Variants in CSMD1 observed in about 807,000 individuals in gnomAD.
CSMD1 encodes the protein CUB and Sushi multiple domains 1.
In CSMD1, 213 loss-of-function variants were observed where a neutral mutation model predicts 417.5. The observed-to-expected ratio is 0.51, with a 90% CI of 0.46 to 0.57. The LOEUF is 0.57. Among genes scored for constraint, CSMD1 ranks in the 20% least tolerant of loss-of-function variants. The pLI, the probability that CSMD1 is intolerant of heterozygous loss-of-function variation, is 0.00. For missense variants in CSMD1, 6,923 were observed against 4,529.7 expected (o/e 1.53, Z -15.17); for synonymous variants, 2,862 against 1,736.8 (o/e 1.65, Z -16.11).
At chr8:3,712,707 T>A (rs540110827) in intron 6 of CSMD1, among the ~76,000 whole-genome samples, 1 of 152,334 alleles carries the variant, frequency 6.6e-6, no homozygotes, top group African/African-American at 2.4e-5. Flanking sequence ...TATGAGTTTC[T>A]GTTTTGTTTT....
At chr8:4,589,926 C>G (rs1321383486) in intron 2 of CSMD1, among the ~76,000 whole-genome samples, 1 of 152,150 alleles carries the variant, frequency 6.6e-6, no homozygotes, top group African/African-American at 2.4e-5. Flanking sequence ...TGGCTTTTGT[C>G]TAACCCACAC....
chr8:4,441,287 G>GGGC (rs1798465716), intron 2 of CSMD1, among the ~76,000 whole-genome samples: 1 of 136,226 alleles, frequency 7.3e-6, no homozygotes, highest in Non-Finnish European at 1.6e-5. Context: ...TTTTTTGGTG[G>GGGC]GGGGAGTAGA....
Position 4,626,516 on chromosome 8 carries a change from G to A in CSMD1, c.302+10826C>T, listed in dbSNP as rs150060291. On this transcript the variant is annotated intron_variant, in intron 2 of 69. Coordinates refer to ENST00000635120, the MANE Select transcript of CSMD1 (RefSeq NM_033225.6). ...AGTTGTGCTGAAAATCACGTTGAGA[G>A]AAAGTTATCTGATCTTAAAGCGGTT... Among the ~76,000 whole-genome samples the A allele has an allele frequency of 6.9e-4, 105 of 152,208 alleles. 1 individual carries two copies. Among genetic ancestry groups the A allele is most frequent in the African/African-American group, 2.5e-3 (102 of 41,530 alleles).
At chr8:4,115,923 G>A (rs1018832907) in intron 3 of CSMD1, among the ~76,000 whole-genome samples, 10 of 151,746 alleles carry the variant, frequency 6.6e-5, no homozygotes, top group Non-Finnish European at 1.2e-4. Context: ...AGTGACTGGG[G>A]GCAGGGAGAA....
At chr8:4,915,217 T>C (rs998203706) in intron 1 of CSMD1, among the ~76,000 whole-genome samples, 5 of 150,412 alleles carry the variant, frequency 3.3e-5, no homozygotes, top group African/African-American at 1.2e-4. Flanking sequence ...TATTTATACA[T>C]AACATATATA....
intron 3 of CSMD1, among the ~76,000 whole-genome samples, chr8:4,115,611 G>T (rs76290942): frequency 0.044 from 6,696 of 152,022 alleles, 383 homozygotes; most frequent in East Asian, 0.25. Flanking sequence ...AAATATATAC[G>T]TGATCAAACT....
At chr8:4,118,010 TA>T (rs1180316514) in intron 3 of CSMD1, among the ~76,000 whole-genome samples, 4 of 147,962 alleles carry the variant, frequency 2.7e-5, no homozygotes, top group Non-Finnish European at 5.9e-5. Flanking sequence ...ATGACATAGG[TA>T]AAAAAAAGTT....
At position 3,767,537 on chromosome 8, in the gene CSMD1, T is replaced by C. The variant is rs527748053; in HGVS notation, c.819-13495A>G. ...TTAGATTATGCTCTGATCCTCACTT[T>C]ATCCCATAACATCCAAAGCTGATTG... On this transcript the variant is annotated intron_variant, in intron 5 of 69. Coordinates refer to ENST00000635120, the MANE Select transcript of CSMD1 (RefSeq NM_033225.6). Among the ~76,000 whole-genome samples the C allele has an allele frequency of 5.4e-4, 82 of 152,340 alleles. 1 individual carries two copies. The highest frequency in any genetic ancestry group is 2.5e-3 in the Admixed American group (38 of 15,294).
At chr8:4,536,574 CTG>C (rs1329682299) in intron 2 of CSMD1, among the ~76,000 whole-genome samples, 3 of 152,184 alleles carry the variant, frequency 2.0e-5, no homozygotes, top group Non-Finnish European at 1.5e-5. Flanking sequence ...GCATCGGACA[CTG>C]TTGTGGATAT....
chr8:4,830,785 C>T (rs1181763921), intron 1 of CSMD1, among the ~76,000 whole-genome samples: 1 of 152,118 alleles, frequency 6.6e-6, no homozygotes, highest in East Asian at 1.9e-4. Flanking sequence ...ATTCCAGAGT[C>T]AAGTGCAGCC....
Position 3,052,168 on chromosome 8 carries a change from C to A in CSMD1, c.7660+294G>T, listed in dbSNP as rs542345587. Among the ~76,000 whole-genome samples the A allele has an allele frequency of 1.2e-3, 190 of 152,292 alleles. 3 individuals carry two copies. Among genetic ancestry groups the A allele is most frequent in the Middle Eastern group, 6.8e-3 (2 of 292 alleles). On this transcript the variant is annotated intron_variant, in intron 50 of 69. Coordinates refer to ENST00000635120, the MANE Select transcript of CSMD1 (RefSeq NM_033225.6). ...TAATGTCTCAATTTCCTCTAGATTT[C>A]ATCCCTCCAGATTGAAAATGGCAGC...
chr8:4,743,048 G>A (rs1030645286), intron 1 of CSMD1, among the ~76,000 whole-genome samples: 2 of 152,064 alleles, frequency 1.3e-5, no homozygotes, highest in Admixed American at 6.6e-5. Context: ...GTTTTTGTTT[G>A]TATTTTATTA....
At chr8:4,488,939 T>C (rs1801559802) in intron 2 of CSMD1, among the ~76,000 whole-genome samples, 1 of 152,186 alleles carries the variant, frequency 6.6e-6, no homozygotes, top group Non-Finnish European at 1.5e-5. Context: ...TGAGACTGAG[T>C]CTTGCTCTTT....
intron 11 of CSMD1, among the ~76,000 whole-genome samples, chr8:3,476,782 G>T (rs544927481): frequency 1.3e-5 from 2 of 151,968 alleles, no homozygotes; most frequent in Admixed American, 6.6e-5. Context: ...GCCAGGCTTG[G>T]TGGCAGACAT....
chr8:4,180,942 G>A (rs1700119), intron 3 of CSMD1, among the ~76,000 whole-genome samples: 150,869 of 152,294 alleles, frequency 0.99, 74,742 homozygotes, highest in Middle Eastern at 1. Flanking sequence ...GCCCCACTCT[G>A]TTAATTAAGC....
chr8:3,564,943 G>A (rs12677016), intron 10 of CSMD1, among the ~76,000 whole-genome samples: 150,469 of 151,528 alleles, frequency 0.99, 74,717 homozygotes, highest in Middle Eastern at 1. Context: ...CACAATCATG[G>A]ATCAACGCCA....
At chr8:3,191,814 T>C (rs906096340) in intron 33 of CSMD1, among the ~76,000 whole-genome samples, 31 of 152,206 alleles carry the variant, frequency 2.0e-4, no homozygotes, top group African/African-American at 6.8e-4. Flanking sequence ...GCTTATTTTG[T>C]TTTTGTCCTC....
In CSMD1 at chr8:3,630,809, G is replaced by C. The variant is rs9644277; in HGVS notation, c.1010-14012C>G. Among the ~76,000 whole-genome samples the C allele has an allele frequency of 4.6e-5, 7 of 152,284 alleles. No individual in the cohort carries two copies. In the East Asian group the frequency reaches 1.4e-3, roughly 29 times the overall value. On this transcript the variant is annotated intron_variant, in intron 7 of 69. Coordinates refer to ENST00000635120, the MANE Select transcript of CSMD1 (RefSeq NM_033225.6). ...TAGAAGAACACATCACGATTTGGAA[G>C]GTCAAGAGTTCCATTGCTGATCTCA...
intron 3 of CSMD1, among the ~76,000 whole-genome samples, chr8:4,051,866 T>TTCTTTCCTGTCTTTCTC (rs148729822): frequency 1.7e-5 from 2 of 119,714 alleles, no homozygotes; most frequent in Admixed American, 2.0e-4. Context: ...CTTTCTTTCT[T>TTCTTTCCTGTCTTTCTC]TCCTTCCTCC....
Sources: allele counts gnomAD v4.1 joint callset (sites outside exome capture counted in the v4.1 genomes callset), GRCh38; gene constraint gnomAD v4.1.1; transcripts MANE v1.5; gene names NCBI Gene and HGNC (gene_info 2026-07-23, HGNC 2026-07-21).